Variants in NPHP4 observed in about 807,000 individuals in gnomAD.
The protein encoded by NPHP4 is nephrocystin-4.
A neutral mutation model predicts 155.8 loss-of-function variants in NPHP4; 151 were observed. The observed-to-expected ratio is 0.97, with a 90% CI of 0.85 to 1.11. The LOEUF is 1.11. Ranked by LOEUF, NPHP4 falls within the 50% of genes least tolerant of loss-of-function variation. The pLI is 0.00. For synonymous variants in NPHP4, 845 were observed against 816.8 expected, an observed-to-expected ratio of 1.03 and a Z score of -0.59; for missense variants, 1,956 against 1,925.7, an observed-to-expected ratio of 1.02 and a Z score of -0.29.
chr1:5,919,846 T>A lies in NPHP4; in HGVS notation c.1441+7803A>T, dbSNP rs919358844. Among the ~76,000 whole-genome samples the A allele has an allele frequency of 2.0e-5, 3 of 152,110 alleles. No individual in the cohort carries two copies. In the East Asian group the frequency reaches 5.8e-4, roughly 29 times the overall value. On this transcript the variant is annotated intron_variant, in intron 11 of 29. Transcript: ENST00000378156. ...CCTCGAATTCCTGGGTTCAAGCAAT[T>A]CTCCTGCCTCAGCCTCCCAAGTAGC...
chr1:5,961,324 G>T (rs561416654), intron 6 of NPHP4, among the ~76,000 whole-genome samples: 2 of 152,238 alleles, frequency 1.3e-5, no homozygotes, highest in East Asian at 3.9e-4. Flanking sequence ...AGGGATGGAT[G>T]GTGCTGCTGG....
intron 5 of NPHP4, among the ~76,000 whole-genome samples, chr1:5,966,465 C>T (rs956773283): frequency 6.6e-6 from 1 of 152,104 alleles, no homozygotes; most frequent in Admixed American, 6.5e-5. Flanking sequence ...AGGCTGGTTT[C>T]GAACTCCTGA....
intron 19 of NPHP4, 182 bp from the exon 20 acceptor site, chr1:5,877,480 C>G (rs571071816): frequency 1.6e-5 from 7 of 437,408 alleles, no homozygotes; most frequent in South Asian, 7.7e-5. Flanking sequence ...ACTTTATACC[C>G]TGGTTTCCAC....
chr1:5,956,065 G>GGC (rs1553190516), intron 6 of NPHP4, among the ~76,000 whole-genome samples: 2 of 150,266 alleles, frequency 1.3e-5, no homozygotes, highest in African/African-American at 4.9e-5. Context: ...AAGCTGGGGG[G>GGC]GGGGGGTGCA....
At chr1:5,887,221 G>T in intron 18 of NPHP4, 65 bp downstream of exon 18, 2 of 1,462,534 alleles carry the variant, frequency 1.4e-6, no homozygotes, top group Non-Finnish European at 1.9e-6. Context: ...GCCCGAGGGA[G>T]CCCACACTCT....
In NPHP4 at chr1:5,992,399, T is replaced by G. The variant is rs528941376; in HGVS notation, c.-194A>C. On this transcript the variant is annotated 5_prime_UTR_variant, in exon 1 of 30. Transcript: ENST00000378156. ...TGGCCGAGGGGCGCGCCCCGTCCGC[T>G]GCCACCCGCGGGAGGAGCCTCGGAA... is the stretch of plus-strand genomic sequence containing the variant. The G allele has an allele frequency of 6.6e-6, 1 of 151,996 alleles. No homozygotes were observed. Among genetic ancestry groups the G allele is most frequent in the Non-Finnish European group, 1.5e-5 (1 of 68,042 alleles). 9.4% of individuals were successfully genotyped at this position (151,996 alleles called of 1,614,324 possible).
chr1:5,864,892 C>T, intron 27 of NPHP4: 1 of 572,132 alleles, frequency 1.7e-6, no homozygotes, highest in South Asian at 2.3e-5. Context: ...GAACACCGGC[C>T]TTTGGGGTTG....
chr1:5,910,412 C>T lies in NPHP4; in HGVS notation c.1442-1199G>A, dbSNP rs1645121246. On this transcript the variant is annotated intron_variant, in intron 11 of 29. Transcript: ENST00000378156. The surrounding 1 kb of genome is among the most constrained non-coding windows in gnomAD (Gnocchi z 5.4). ...AGGCTTCCCCCATGGCCCTGTCCCA[C>T]CTCCCGTCACCCCCATGTGGCCCAC... 6.6e-6 allele frequency among the ~76,000 whole-genome samples: 1 copy of T among 152,216 alleles called. No individual in the cohort carries two copies. Among genetic ancestry groups the T allele is most frequent in the Admixed American group, 6.5e-5 (1 of 15,282 alleles).
Position 5,948,445 on chromosome 1 carries a change from G to A in NPHP4, c.811-194C>T, listed in dbSNP as rs1489370247. Among the ~76,000 whole-genome samples the A allele has an allele frequency of 5.3e-5, 8 of 152,202 alleles. 1 individual carries two copies. ...ACCCAATCCCAGCCACTGGCCTTGG[G>A]GCACTGCCCGGGCAGTTTTGGCATT... On this transcript the variant is annotated intron_variant, in intron 7 of 29. Transcript: ENST00000378156.
intron 11 of NPHP4, among the ~76,000 whole-genome samples, chr1:5,913,685 C>A (rs1248343344): frequency 6.6e-6 from 1 of 152,194 alleles, no homozygotes; most frequent in Admixed American, 6.5e-5. Flanking sequence ...GAGGATGCAA[C>A]CCACACACAT....
intron 20 of NPHP4, among the ~76,000 whole-genome samples, chr1:5,875,630 G>C (rs1642514715): frequency 6.6e-6 from 1 of 152,230 alleles, no homozygotes; most frequent in African/African-American, 2.4e-5. Context: ...ATGCCGCAGG[G>C]ACTCAAGGGG....
rs773833775 is a variant in NPHP4, at chr1:5,933,287, T to G, written c.1162A>C (p.Met388Leu). The G allele has an allele frequency of 6.2e-7, 1 of 1,613,410 alleles. No individual in the cohort carries two copies. ...TSLSNLACMH[M>L]VRWAVWNPLL... is the part of the protein sequence containing the mutation. ...GGGTTCCAAACAGCCCAGCGGACCA[T>G]GTGCATGCATGCCAGGTTGGACAGA... Residue 388 changes from methionine to leucine, a missense_variant, in exon 10 of 30, where the codon ATG becomes CTG. Physicochemically the swap from Met to Leu is conservative, Grantham distance 15. Transcript: ENST00000378156.
chr1:5,909,161 C>A lies in NPHP4; in HGVS notation c.1494G>T (p.Val498=). The change falls in exon 12 of 30, where the codon GTG becomes GTT. Residue 498 remains valine, a synonymous_variant. Coordinates refer to ENST00000378156, the MANE Select transcript of NPHP4 (RefSeq NM_015102.5). ...RVLAAPQNSP[V]GPGLSISQLA... is the part of the protein sequence containing the mutation. The stretch of plus-strand genomic sequence containing the variant: ...GGGGGCCTGGACTTACCCCTGGTCC[C>A]ACAGGTGAGTTCTGCGGGGCAGCGA... The A allele has an allele frequency of 6.2e-7, 1 of 1,600,188 alleles. No homozygotes were observed. Among genetic ancestry groups the A allele is most frequent in the Non-Finnish European group, 8.5e-7 (1 of 1,173,664 alleles).
chr1:5,960,705 A>G (rs1365108660), intron 6 of NPHP4, among the ~76,000 whole-genome samples: 1 of 152,178 alleles, frequency 6.6e-6, no homozygotes, highest in African/African-American at 2.4e-5. Context: ...AGTCTCCAGA[A>G]GTGCCTGGAA....
At chr1:5,866,909 A>G in intron 25 of NPHP4, 121 bp downstream of exon 25, 1 of 760,490 alleles carries the variant, frequency 1.3e-6, no homozygotes, top group Non-Finnish European at 2.3e-6. Context: ...TACCTTGGGA[A>G]AGAAACCACT....
At chr1:5,868,061 G>GCA in intron 23 of NPHP4, 165 bp from the exon 24 acceptor site, 2 of 787,470 alleles carry the variant, frequency 2.5e-6, no homozygotes, top group Non-Finnish European at 4.4e-6. Context: ...GACTGAGTCT[G>GCA]CAGCAGCAGG....
intron 7 of NPHP4, among the ~76,000 whole-genome samples, 153 bp downstream of exon 7, chr1:5,952,547 G>A (rs1024784878): frequency 4.7e-5 from 7 of 150,218 alleles, no homozygotes; most frequent in East Asian, 4.0e-4. Flanking sequence ...CATCAGATGC[G>A]GGGTCTCCCC....
At chr1:5,978,021 T>C in intron 3 of NPHP4, among the ~76,000 whole-genome samples, 1 of 150,868 alleles carries the variant, frequency 6.6e-6, no homozygotes, top group African/African-American at 2.4e-5. Flanking sequence ...AAGACCCCCA[T>C]TCCCCTGACC....
rs1385537263 is a variant in NPHP4, at chr1:5,889,040, G to A, written c.2305-1574C>T. Among the ~76,000 whole-genome samples the A allele has an allele frequency of 6.6e-6, 1 of 152,210 alleles. No individual in the cohort carries two copies. The highest frequency in any genetic ancestry group is 1.5e-5 in the Non-Finnish European group (1 of 68,034). Reference sequence around the variant, plus strand: ...ATAAAAACAGAACTGCCCCAGGGCTGGGCTAGGGGTCACACTGAAGGCAGC... The same window carrying A: ...ATAAAAACAGAACTGCCCCAGGGCTAGGCTAGGGGTCACACTGAAGGCAGC... On this transcript the variant is annotated intron_variant, in intron 17 of 29. Coordinates refer to ENST00000378156, the MANE Select transcript of NPHP4 (RefSeq NM_015102.5). This position sits in a 1 kb window ranked among gnomAD's most constrained non-coding sequence, Gnocchi z 4.2.
Sources: allele counts gnomAD v4.1 joint callset (sites outside exome capture counted in the v4.1 genomes callset), GRCh38; gene constraint gnomAD v4.1.1; non-coding constraint Gnocchi (gnomAD v3.1); transcripts MANE v1.5; gene names NCBI Gene and HGNC (gene_info 2026-07-23, HGNC 2026-07-21).